The following HTR2C variants were observed in gnomAD, a reference collection of about 807,000 sequenced individuals.
HTR2C encodes the protein 5-hydroxytryptamine receptor 2C.
A neutral mutation model predicts 21.0 loss-of-function variants in HTR2C; 5 were observed. The observed-to-expected ratio is 0.24, with a 90% CI of 0.12 to 0.50. The LOEUF (loss-of-function observed/expected upper bound fraction) is 0.50. HTR2C is among the 20% of genes least tolerant of loss of function. The probability of loss-of-function intolerance (pLI) is 0.98; values close to 1 mark genes in which losing one functional copy is unlikely to be tolerated. For missense variants in HTR2C, 271 were observed against 371.2 expected, an observed-to-expected ratio of 0.73 and a Z score of 2.22; for synonymous variants, 150 against 145.3, an observed-to-expected ratio of 1.03 and a Z score of -0.23.
At chrX:114,619,936 A>G (rs1313616649) in intron 2 of HTR2C, among the ~76,000 whole-genome samples, 1 of 112,187 alleles carries the variant, frequency 8.9e-6, no homozygotes, top group Admixed American at 9.5e-5. Flanking sequence ...AGGATATACC[A>G]ATGATTTAAT....
intron 2 of HTR2C, among the ~76,000 whole-genome samples, chrX:114,703,955 C>A (rs2147312606): frequency 9.1e-6 from 1 of 110,449 alleles, no homozygotes; most frequent in South Asian, 3.9e-4. Flanking sequence ...ACTAGAAAAT[C>A]TAGAAGAAAT....
At position 114,908,746 on chromosome X, in the gene HTR2C, C is replaced by T. The variant is rs184702038; in HGVS notation, c.*1331C>T. The T allele has an allele frequency of 8.9e-6, 1 of 112,502 alleles. No individual in the cohort carries two copies. The highest frequency in any genetic ancestry group is 9.5e-5 in the Admixed American group (1 of 10,550). The allele number at this position is 112,502 out of a possible 1,213,427, so 9.3% of individuals were successfully genotyped here. A position where few individuals can be genotyped will look rare whatever the true frequency, so the allele number is the denominator to read the frequency against. On this transcript the variant is annotated 3_prime_UTR_variant, in exon 6 of 6. Coordinates refer to ENST00000276198, the MANE Select transcript of HTR2C (RefSeq NM_000868.4). ...AATAAGTGTTGGCCATCATTTCATT[C>T]GTGGGCCTGCTGCTCTCTAAGAATT...
chrX:114,688,387 A>G (rs1267215822), intron 2 of HTR2C, among the ~76,000 whole-genome samples: 2 of 110,721 alleles, frequency 1.8e-5, no homozygotes, highest in Non-Finnish European at 3.8e-5. Context: ...TGCTACTCCA[A>G]TGCTGTAGCA....
chrX:114,783,380 C>T (rs1348450547), intron 4 of HTR2C, among the ~76,000 whole-genome samples: 2 of 111,379 alleles, frequency 1.8e-5, no homozygotes, highest in Admixed American at 1.9e-4. Flanking sequence ...TTACTGGAGA[C>T]GTAGCTGTTA....
intron 2 of HTR2C, among the ~76,000 whole-genome samples, chrX:114,721,944 G>C (rs1242169531): frequency 9.4e-6 from 1 of 106,550 alleles, no homozygotes; most frequent in African/African-American, 3.4e-5. Flanking sequence ...TTTGAAGTCA[G>C]GTAGTGTGAT....
At chrX:114,824,510 C>T (rs782584090) in intron 4 of HTR2C, among the ~76,000 whole-genome samples, 1 of 112,307 alleles carries the variant, frequency 8.9e-6, no homozygotes, top group East Asian at 2.8e-4. Context: ...AATGACTAAT[C>T]TGTAGGAGAT....
In HTR2C at chrX:114,906,788, C is replaced by T. The variant is rs1176307693; in HGVS notation, c.750C>T (p.His250=). The part of the protein sequence containing the change: ...VLRRQALMLL[H]GHTEEPPGLS... ...GCCGACAAGCTTTGATGTTACTGCA[C>T]GGCCACACCGAGGAACCGCCTGGAC... The change falls in exon 6 of 6, where the codon CAC becomes CAT. Residue 250 remains histidine, a synonymous_variant. Coordinates refer to ENST00000276198, the MANE Select transcript of HTR2C (RefSeq NM_000868.4). The T allele has an allele frequency of 2.5e-6, 3 of 1,210,613 alleles. No individual in the cohort carries two copies. Among genetic ancestry groups the T allele is most frequent in the Non-Finnish European group, 3.4e-6 (3 of 895,081 alleles).
chrX:114,616,008 C>G (rs782761708), intron 2 of HTR2C, among the ~76,000 whole-genome samples: 1 of 111,800 alleles, frequency 8.9e-6, no homozygotes, highest in South Asian at 3.7e-4. Flanking sequence ...GTATGTAAGG[C>G]CTTTGCCTAC....
At chrX:114,600,722 A>G (rs2147793511) in intron 1 of HTR2C, among the ~76,000 whole-genome samples, 1 of 111,632 alleles carries the variant, frequency 9.0e-6, no homozygotes, top group African/African-American at 3.2e-5. Flanking sequence ...ATACTTTTGT[A>G]GCATAATAAG....
chrX:114,604,026 C>T (rs57327880), intron 1 of HTR2C, among the ~76,000 whole-genome samples: 2 of 104,380 alleles, frequency 1.9e-5, no homozygotes, highest in African/African-American at 3.5e-5. Flanking sequence ...CTTTTTAAGG[C>T]GTGCTGCGGG....
At chrX:114,893,897 G>A (rs1556483400) in intron 5 of HTR2C, among the ~76,000 whole-genome samples, 1 of 111,935 alleles carries the variant, frequency 8.9e-6, no homozygotes. Flanking sequence ...TTATAACAGA[G>A]TATATCCAAA....
chrX:114,801,321 G>A (rs1440150911), intron 4 of HTR2C, among the ~76,000 whole-genome samples: 1 of 111,256 alleles, frequency 9.0e-6, no homozygotes, highest in Non-Finnish European at 1.9e-5. Flanking sequence ...GGAATCTAAG[G>A]ATAGAAAGAA....
chrX:114,595,484 A>G (rs782461556), intron 1 of HTR2C, among the ~76,000 whole-genome samples: 1 of 109,710 alleles, frequency 9.1e-6, no homozygotes, highest in Non-Finnish European at 1.9e-5. Flanking sequence ...CTGCCTCCCA[A>G]AGTGCTGGGA....
At chrX:114,776,303 G>A (rs1158146255) in intron 4 of HTR2C, 17 of 662,240 alleles carry the variant, frequency 2.6e-5, no homozygotes, top group African/African-American at 1.9e-4. Flanking sequence ...AGCATCTTTG[G>A]TAGCCTGATG....
intron 5 of HTR2C, among the ~76,000 whole-genome samples, chrX:114,848,558 A>G (rs1215842745): frequency 1.8e-5 from 2 of 111,704 alleles, no homozygotes; most frequent in African/African-American, 6.5e-5. Context: ...AAAATATAAC[A>G]TTTCAATCTT....
intron 4 of HTR2C, among the ~76,000 whole-genome samples, chrX:114,754,564 A>G (rs782293435): frequency 8.9e-6 from 1 of 111,964 alleles, no homozygotes; most frequent in African/African-American, 3.2e-5. Context: ...ATGGTGCCAA[A>G]GAAAATGGTC....
At chrX:114,705,204 A>G (rs1162331387) in intron 2 of HTR2C, among the ~76,000 whole-genome samples, 1 of 110,344 alleles carries the variant, frequency 9.1e-6, no homozygotes, top group South Asian at 3.9e-4. Context: ...TTGGAAAAAA[A>G]TACTTTAAAG....
chrX:114,820,095 AGTTTTAAGGATTTTCTGC>A (rs2070618409), intron 4 of HTR2C, among the ~76,000 whole-genome samples: 1 of 110,415 alleles, frequency 9.1e-6, no homozygotes, highest in Non-Finnish European at 1.9e-5. Context: ...CTGGGAACTC[AGTTTTAAGGATTTTCTGC>A]GTTCCCCTTT....
At chrX:114,611,859 G>A (rs1928751960) in intron 1 of HTR2C, among the ~76,000 whole-genome samples, 2 of 110,471 alleles carry the variant, frequency 1.8e-5, no homozygotes, top group African/African-American at 6.6e-5. Context: ...CACCACGCCC[G>A]GCTATTTTTT....
Sources: gnomAD v4.1 joint callset for allele counts (sites outside exome capture counted in the v4.1 genomes callset) on GRCh38, gnomAD v4.1.1 for gene constraint, MANE v1.5 for transcripts, NCBI Gene and HGNC (gene_info 2026-07-23, HGNC 2026-07-21) for gene names.